The following DENND1A variants were observed in gnomAD, a reference collection of about 807,000 sequenced individuals.
DENND1A encodes DENN domain-containing protein 1A.
A neutral mutation model predicts 113.7 loss-of-function variants in DENND1A; 51 were observed. The observed-to-expected ratio is 0.45, with a 90% CI of 0.36 to 0.57. The LOEUF is 0.57. DENND1A is among the 20% of genes least tolerant of loss of function. DENND1A has a pLI of 0.00. For synonymous variants in DENND1A, 565 were observed against 570.8 expected (o/e 0.99, Z 0.14); for missense variants, 1,258 against 1,395.9 (o/e 0.90, Z 1.57).
intron 4 of DENND1A, among the ~76,000 whole-genome samples, chr9:123,766,871 G>A (rs977235444): frequency 1.3e-5 from 2 of 152,120 alleles, no homozygotes; most frequent in Non-Finnish European, 2.9e-5. Context: ...CAATGTTAAC[G>A]GGTGATTTGA....
chr9:123,814,085 G>A (rs1590198079), intron 2 of DENND1A, among the ~76,000 whole-genome samples: 1 of 152,142 alleles, frequency 6.6e-6, no homozygotes, highest in South Asian at 2.1e-4. Flanking sequence ...TTTACATAAT[G>A]TAACTAGTAT....
At chr9:123,574,630 G>T (rs750558237) in intron 12 of DENND1A, among the ~76,000 whole-genome samples, 12 of 152,142 alleles carry the variant, frequency 7.9e-5, no homozygotes, top group East Asian at 1.9e-4. Flanking sequence ...CTAAACAGGG[G>T]TGTTAAAGGG....
At chr9:123,469,005 C>G in intron 13 of DENND1A, among the ~76,000 whole-genome samples, 1 of 152,150 alleles carries the variant, frequency 6.6e-6, no homozygotes, top group Non-Finnish European at 1.5e-5. Flanking sequence ...GACCCCTGAG[C>G]CCACACACAC....
chr9:123,845,315 G>A (rs376310247), intron 2 of DENND1A, among the ~76,000 whole-genome samples: 9 of 152,148 alleles, frequency 5.9e-5, no homozygotes, highest in South Asian at 2.1e-4. Context: ...GACTATCTAC[G>A]TTTGAAAGAA....
chr9:123,633,354 C>T (rs1174981885), intron 9 of DENND1A, among the ~76,000 whole-genome samples: 1 of 152,164 alleles, frequency 6.6e-6, no homozygotes, highest in Non-Finnish European at 1.5e-5. Context: ...TGGGATGTGT[C>T]CTGAATAAAT....
chr9:123,589,955 C>A (rs1306062330), intron 11 of DENND1A, among the ~76,000 whole-genome samples: 1 of 152,210 alleles, frequency 6.6e-6, no homozygotes, highest in African/African-American at 2.4e-5. Context: ...CTGCATAAAT[C>A]CTCCAGGTTT....
At chr9:123,480,605 T>C (rs1314194441) in intron 13 of DENND1A, among the ~76,000 whole-genome samples, 2 of 152,152 alleles carry the variant, frequency 1.3e-5, no homozygotes, top group East Asian at 1.9e-4. Context: ...CCTGCCCCCA[T>C]AGCCATCCCT....
intron 2 of DENND1A, among the ~76,000 whole-genome samples, chr9:123,838,180 C>G (rs1424201201): frequency 1.3e-5 from 2 of 152,122 alleles, no homozygotes; most frequent in African/African-American, 4.8e-5. Context: ...AATCAACAAT[C>G]CACTACTTAC....
intron 10 of DENND1A, among the ~76,000 whole-genome samples, chr9:123,620,742 T>TC (rs2060917097): frequency 6.6e-6 from 1 of 152,146 alleles, no homozygotes; most frequent in Non-Finnish European, 1.5e-5. Flanking sequence ...CTTCCCTTCC[T>TC]CTTCTGTCTG....
intron 1 of DENND1A, among the ~76,000 whole-genome samples, chr9:123,892,435 A>G (rs1218088397): frequency 6.6e-6 from 1 of 152,264 alleles, no homozygotes; most frequent in Admixed American, 6.5e-5. Flanking sequence ...GACAAAACAT[A>G]TGAAACAATG....
At chr9:123,480,513 A>C (rs915881664) in intron 13 of DENND1A, among the ~76,000 whole-genome samples, 2 of 152,164 alleles carry the variant, frequency 1.3e-5, no homozygotes, top group Non-Finnish European at 2.9e-5. Context: ...CTTAGAATAG[A>C]ATGCCTCTTC....
rs370185315 is a variant in DENND1A, at chr9:123,796,756, TACAC to T, written c.89-4130_89-4127del. 3.5e-3 allele frequency among the ~76,000 whole-genome samples: 496 copies of T among 141,552 alleles called. 1 individual carries two copies. Among genetic ancestry groups the T allele is most frequent in the South Asian group, 0.016 (68 of 4,366 alleles). 92.9% of individuals were successfully genotyped at this position (141,552 alleles called of 152,430 possible). A position where few individuals can be genotyped will look rare whatever the true frequency, so the allele number is the denominator to read the frequency against. ...TACATTGGTAACTCCTATGTGTACATACACACACACACACACACACACACACACA... is the reference window on the plus strand; with the variant it reads ...TACATTGGTAACTCCTATGTGTACATACACACACACACACACACACACACA... On this transcript the variant is annotated intron_variant, in intron 2 of 23. Transcript: ENST00000394215.
At chr9:123,626,356 G>C (rs933242036) in intron 10 of DENND1A, among the ~76,000 whole-genome samples, 1 of 151,954 alleles carries the variant, frequency 6.6e-6, no homozygotes, top group Non-Finnish European at 1.5e-5. Context: ...TGTGTGTCTG[G>C]GGGGAGAGGG....
intron 12 of DENND1A, among the ~76,000 whole-genome samples, chr9:123,575,362 C>T (rs2058578857): frequency 6.6e-6 from 1 of 152,196 alleles, no homozygotes; most frequent in South Asian, 2.1e-4. Context: ...CTGCTCACCT[C>T]CTACTGTATG....
intron 9 of DENND1A, among the ~76,000 whole-genome samples, chr9:123,645,318 T>C (rs1031474588): frequency 2.0e-5 from 3 of 152,094 alleles, no homozygotes; most frequent in African/African-American, 7.2e-5. Context: ...TCAAACACAA[T>C]TGAGAAGAAT....
intron 18 of DENND1A, among the ~76,000 whole-genome samples, chr9:123,450,225 G>A (rs934018586): frequency 5.3e-5 from 8 of 152,122 alleles, no homozygotes; most frequent in African/African-American, 1.7e-4. Flanking sequence ...GTAAGCCCAC[G>A]GCATTCTGCT....
chr9:123,495,742 C>T (rs2051855227), intron 13 of DENND1A, among the ~76,000 whole-genome samples: 1 of 152,194 alleles, frequency 6.6e-6, no homozygotes, highest in Non-Finnish European at 1.5e-5. Context: ...TCTAACTCCC[C>T]ACACTAAGCT....
chr9:123,684,856 C>T (rs1253514148), intron 5 of DENND1A, among the ~76,000 whole-genome samples: 1 of 152,148 alleles, frequency 6.6e-6, no homozygotes, highest in Non-Finnish European at 1.5e-5. Context: ...GGGGAGCTCA[C>T]AGTCTAAAGA....
intron 5 of DENND1A, among the ~76,000 whole-genome samples, chr9:123,717,135 A>C (rs2067025154): frequency 6.6e-6 from 1 of 152,182 alleles, no homozygotes; most frequent in South Asian, 2.1e-4. Flanking sequence ...TGGCCAGGCA[A>C]CCCAGATACT....
Sources: gnomAD v4.1 joint callset for allele counts (sites outside exome capture counted in the v4.1 genomes callset) on GRCh38, gnomAD v4.1.1 for gene constraint, MANE v1.5 for transcripts, NCBI Gene and HGNC (gene_info 2026-07-23, HGNC 2026-07-21) for gene names.